The following BID variants were observed in gnomAD, a reference collection of about 807,000 sequenced individuals.
BID encodes BH3 interacting domain death agonist, also known as BH3-interacting domain death agonist.
BID carries 19 observed loss-of-function variants against 17.4 expected under a neutral mutation model. The ratio of observed to expected loss-of-function variants is 1.09; its 90% CI spans 0.76 to 1.60. BID has a LOEUF of 1.60. BID is among the 40% of genes most tolerant of loss of function. The probability of loss-of-function intolerance (pLI) is 0.00; values close to 1 mark genes in which losing one functional copy is unlikely to be tolerated. For synonymous variants in BID, 108 were observed against 102.8 expected, an observed-to-expected ratio of 1.05 and a Z score of -0.31; for missense variants, 226 against 256.0, an observed-to-expected ratio of 0.88 and a Z score of 0.80.
intron 1 of BID, chr22:17,764,223 G>C (rs2061662462): frequency 6.5e-6 from 1 of 154,618 alleles, no homozygotes; most frequent in African/African-American, 2.4e-5. Context: ...GAACCGTCTG[G>C]TACTGCTAGT....
intron 3 of BID, among the ~76,000 whole-genome samples, chr22:17,743,202 T>C (rs1302827723): frequency 6.6e-6 from 1 of 152,246 alleles, no homozygotes; most frequent in Non-Finnish European, 1.5e-5. Flanking sequence ...AGGAAATATG[T>C]CAGGTATAGA....
intron 1 of BID, among the ~76,000 whole-genome samples, chr22:17,761,172 C>T (rs1209781835): frequency 6.6e-6 from 1 of 152,154 alleles, no homozygotes; most frequent in Non-Finnish European, 1.5e-5. Flanking sequence ...TCCAGGGGCA[C>T]TCAGAGTCTC....
At position 17,743,828 on chromosome 22, in the gene BID, G is replaced by A; in HGVS notation, c.198C>T (p.His66=). The change falls in exon 3 of 6, where the codon CAC becomes CAT. Residue 66 remains histidine (H), a synonymous_variant. Coordinates refer to ENST00000622694, the MANE Select transcript of BID (RefSeq NM_001196.4). The part of the protein sequence containing the change: ...ELQTDGNRSS[H]SRLGRIEADS... ...CTGCCTCTATTCTTCCCAAGCGGGA[G>A]TGGCTGCTGCGGTTGCCATCAGTCT... 1 of 1,610,628 alleles carries A rather than the reference G, an allele frequency of 6.2e-7. No homozygotes were observed. Among genetic ancestry groups the A allele is most frequent in the Admixed American group, 1.7e-5 (1 of 60,008 alleles).
Position 17,773,989 on chromosome 22 carries a change from G to C in BID, c.-59+392C>G. The C allele has an allele frequency of 2.0e-6, 1 of 495,952 alleles. No homozygotes were observed. The allele number at this position is 495,952 out of a possible 1,614,324, so 30.7% of individuals were successfully genotyped here. A position where few individuals can be genotyped will look rare whatever the true frequency, so the allele number is the denominator to read the frequency against. Reference sequence around the variant, plus strand: ...TCCGATCCGCCGGCAAGGGTGGCCTGCACCCGGCCAGGCCCGCGGGTTTTC... The same window carrying C: ...TCCGATCCGCCGGCAAGGGTGGCCTCCACCCGGCCAGGCCCGCGGGTTTTC... On this transcript the variant is annotated intron_variant, in intron 1 of 5. Transcript: ENST00000622694. The surrounding 1 kb of genome is among the most constrained non-coding windows in gnomAD (Gnocchi z 4.4).
Position 17,772,672 on chromosome 22 carries a change from G to A in BID, c.-59+1709C>T, listed in dbSNP as rs114400152. On this transcript the variant is annotated intron_variant, in intron 1 of 5. Transcript: ENST00000622694. ...CCTCATCCATCCTTGTCAGTCCAGG[G>A]GCCTGGGCACTGCTGGGGCTCCTGG... Among the ~76,000 whole-genome samples, 915 of 152,194 alleles carry A rather than the reference G, an allele frequency of 6.0e-3. 10 individuals are homozygous for A. The highest frequency in any genetic ancestry group is 0.021 in the African/African-American group (853 of 41,518).
intron 1 of BID, among the ~76,000 whole-genome samples, chr22:17,757,798 G>A (rs1312035421): frequency 1.3e-5 from 2 of 152,140 alleles, no homozygotes; most frequent in African/African-American, 2.4e-5. Context: ...AAGGTGAGGC[G>A]AGGGTGTGTT....
At chr22:17,757,227 C>G (rs937266891) in intron 1 of BID, among the ~76,000 whole-genome samples, 2 of 151,448 alleles carry the variant, frequency 1.3e-5, no homozygotes, top group Non-Finnish European at 1.5e-5. Context: ...CCAGCCTAGG[C>G]AATCTGGTGA....
At chr22:17,749,223 A>T (rs1284053224) in intron 2 of BID, among the ~76,000 whole-genome samples, 1 of 152,080 alleles carries the variant, frequency 6.6e-6, no homozygotes, top group African/African-American at 2.4e-5. Flanking sequence ...GGTGGGAGAG[A>T]GCACCCGTGT....
intron 2 of BID, among the ~76,000 whole-genome samples, chr22:17,748,777 T>G (rs2061515058): frequency 6.6e-6 from 1 of 152,150 alleles, no homozygotes; most frequent in Non-Finnish European, 1.5e-5. Context: ...GTCAGGGCGC[T>G]GCGCGGGTGA....
intron 1 of BID, among the ~76,000 whole-genome samples, chr22:17,758,107 T>C (rs901406304): frequency 6.6e-6 from 1 of 152,116 alleles, no homozygotes; most frequent in Non-Finnish European, 1.5e-5. Context: ...GGTAACGGGG[T>C]CCAGTCATGT....
chr22:17,740,911 T>C (rs1240276894), intron 3 of BID: 1 of 152,214 alleles, frequency 6.6e-6, no homozygotes, highest in Non-Finnish European at 1.5e-5. Context: ...AAAGTTTTAA[T>C]TGCATGAATG....
intron 1 of BID, among the ~76,000 whole-genome samples, chr22:17,758,823 G>T (rs965853876): frequency 2.6e-5 from 4 of 152,192 alleles, no homozygotes; most frequent in Admixed American, 1.3e-4. Flanking sequence ...GGTGGTAATG[G>T]TTGCACGACA....
Position 17,735,607 on chromosome 22 carries a change from A to G in BID, c.577-16T>C. The G allele has an allele frequency of 6.2e-7, 1 of 1,614,130 alleles. No individual in the cohort carries two copies. Among genetic ancestry groups the G allele is most frequent in the South Asian group, 1.1e-5 (1 of 91,072 alleles). ...AGTCCATCCCCTAGAGCAAGAAAGG[A>G]GAAAAAGCCAGAATCAGCTAGGCTC... On this transcript the variant is annotated splice_polypyrimidine_tract_variant and intron_variant, in intron 5 of 5. Transcript: ENST00000622694.
intron 1 of BID, among the ~76,000 whole-genome samples, chr22:17,772,558 C>T (rs2061729033): frequency 6.6e-6 from 1 of 152,212 alleles, no homozygotes; most frequent in Admixed American, 6.5e-5. Flanking sequence ...CTGCTCAGCC[C>T]CTCCACTTGG....
chr22:17,756,572 CTTTCTTT>C (rs763387023), intron 1 of BID, among the ~76,000 whole-genome samples: 1 of 142,250 alleles, frequency 7.0e-6, no homozygotes, highest in Non-Finnish European at 1.6e-5. Context: ...CCTTTCCTTT[CTTTCTTT>C]TTTTTTTCTT....
At chr22:17,739,285 G>A in intron 4 of BID, 64 bp downstream of exon 4, 1 of 1,472,768 alleles carries the variant, frequency 6.8e-7, no homozygotes, top group South Asian at 1.3e-5. Context: ...TGCCTGGTGA[G>A]AGGCAGGGGA....
intron 1 of BID, among the ~76,000 whole-genome samples, chr22:17,750,930 G>T (rs898661549): frequency 2.6e-5 from 4 of 152,104 alleles, no homozygotes; most frequent in Non-Finnish European, 4.4e-5. Flanking sequence ...CAGCTACTTG[G>T]GGGGCTGAAG....
chr22:17,736,779 A>C (rs946867595), intron 5 of BID, among the ~76,000 whole-genome samples: 1 of 150,712 alleles, frequency 6.6e-6, no homozygotes, highest in Non-Finnish European at 1.5e-5. Flanking sequence ...GACGGCGTGA[A>C]CTACAGGCGT....
intron 2 of BID, among the ~76,000 whole-genome samples, chr22:17,746,243 G>A (rs1489078033): frequency 1.3e-5 from 2 of 152,092 alleles, no homozygotes; most frequent in African/African-American, 4.8e-5. Context: ...GGGCGGGGGA[G>A]CGCAGAAAGA....
Sources: gnomAD v4.1 joint callset for allele counts (sites outside exome capture counted in the v4.1 genomes callset) on GRCh38, gnomAD v4.1.1 for gene constraint, Gnocchi (gnomAD v3.1) non-coding constraint, MANE v1.5 for transcripts, NCBI Gene and HGNC (gene_info 2026-07-23, HGNC 2026-07-21) for gene names.